Variants in EYS observed in about 807,000 individuals in gnomAD.
The protein encoded by EYS is EGF-like photoreceptor maintenance factor.
EYS carries 250 observed loss-of-function variants against 282.1 expected under a neutral mutation model. The ratio of observed to expected loss-of-function variants is 0.89; its 90% CI spans 0.80 to 0.98. The LOEUF is 0.98. Ranked by LOEUF, EYS falls within the 50% of genes least tolerant of loss-of-function variation. The pLI, the probability that EYS is intolerant of heterozygous loss-of-function variation, is 0.00. For missense variants in EYS, 4,016 were observed against 3,709.0 expected (o/e 1.08, Z -2.15); for synonymous variants, 1,355 against 1,282.9 (o/e 1.06, Z -1.20).
chr6:64,523,475 A>G (rs185462382), intron 26 of EYS, among the ~76,000 whole-genome samples: 1 of 151,810 alleles, frequency 6.6e-6, no homozygotes, highest in Non-Finnish European at 1.5e-5. Flanking sequence ...CAAATCAGGA[A>G]ATTTCTACAT....
chr6:65,674,513 AT>A (rs1184139787), intron 1 of EYS, among the ~76,000 whole-genome samples: 3 of 151,336 alleles, frequency 2.0e-5, no homozygotes, highest in African/African-American at 7.3e-5. Context: ...TATACAAGAA[AT>A]CCTCCATAAA....
intron 12 of EYS, among the ~76,000 whole-genome samples, chr6:65,171,042 T>C (rs1765092833): frequency 6.6e-6 from 1 of 151,556 alleles, no homozygotes; most frequent in Non-Finnish European, 1.5e-5. Flanking sequence ...AATAATTTAC[T>C]CATAATTCTA....
chr6:64,525,286 A>G (rs767172677), intron 26 of EYS, among the ~76,000 whole-genome samples: 6 of 151,846 alleles, frequency 4.0e-5, no homozygotes, highest in African/African-American at 1.2e-4. Flanking sequence ...ATGCCCATCA[A>G]TGACAGACCG....
chr6:65,197,190 G>A (rs1205776063), intron 12 of EYS, among the ~76,000 whole-genome samples: 1 of 152,076 alleles, frequency 6.6e-6, no homozygotes. Context: ...ACTCTCTGAT[G>A]TGGGGGCATA....
At chr6:65,255,798 A>T (rs1035780306) in intron 12 of EYS, among the ~76,000 whole-genome samples, 1 of 152,054 alleles carries the variant, frequency 6.6e-6, no homozygotes, top group Non-Finnish European at 1.5e-5. Flanking sequence ...CCACAATGAG[A>T]TATTATCTCA....
intron 2 of EYS, among the ~76,000 whole-genome samples, chr6:65,529,009 C>T (rs557337131): frequency 6.6e-6 from 1 of 152,008 alleles, no homozygotes. Flanking sequence ...AGAGGAGATG[C>T]AGAAGCAAGT....
At chr6:65,249,946 G>C (rs1375825554) in intron 12 of EYS, among the ~76,000 whole-genome samples, 1 of 152,028 alleles carries the variant, frequency 6.6e-6, no homozygotes, top group Admixed American at 6.6e-5. Flanking sequence ...TTGGTGAAGA[G>C]ACCCGCTATA....
intron 22 of EYS, among the ~76,000 whole-genome samples, chr6:64,738,893 G>A (rs939947837): frequency 6.6e-6 from 1 of 152,120 alleles, no homozygotes; most frequent in Non-Finnish European, 1.5e-5. Flanking sequence ...AAGTAGCTGG[G>A]ATTACAGATG....
intron 35 of EYS, among the ~76,000 whole-genome samples, chr6:63,892,255 A>G (rs60865603): frequency 0.12 from 17,882 of 152,250 alleles, 1,282 homozygotes; most frequent in African/African-American, 0.19. Context: ...GAACCAAAAA[A>G]GAGCCCATAT....
chr6:65,671,894 C>A (rs1445486649), intron 1 of EYS, among the ~76,000 whole-genome samples: 2 of 152,144 alleles, frequency 1.3e-5, no homozygotes, highest in African/African-American at 4.8e-5. Context: ...CTGATTTCTT[C>A]CCTATTTGAA....
chr6:64,514,678 C>T (rs966308047), intron 26 of EYS, among the ~76,000 whole-genome samples: 1 of 151,758 alleles, frequency 6.6e-6, no homozygotes, highest in Non-Finnish European at 1.5e-5. Context: ...TTCTTCAGGA[C>T]TCCTCCTGTG....
intron 11 of EYS, chr6:65,331,413 T>A: frequency 1.3e-6 from 1 of 789,666 alleles, no homozygotes; most frequent in Non-Finnish European, 1.5e-6. Context: ...TCTTTTGACA[T>A]TATAACAGGT....
intron 12 of EYS, among the ~76,000 whole-genome samples, chr6:65,071,306 G>T (rs572156452): frequency 6.6e-6 from 1 of 151,872 alleles, no homozygotes; most frequent in East Asian, 1.9e-4. Flanking sequence ...ACCCATTAGG[G>T]TTTTTAACTT....
intron 29 of EYS, among the ~76,000 whole-genome samples, chr6:64,330,094 A>G (rs1223021102): frequency 6.6e-6 from 1 of 152,156 alleles, no homozygotes; most frequent in Admixed American, 6.5e-5. Flanking sequence ...TGCAGTATAT[A>G]GATGATTTAT....
chr6:65,031,206 AC>A (rs1772594201), intron 13 of EYS, among the ~76,000 whole-genome samples: 1 of 150,424 alleles, frequency 6.6e-6, no homozygotes, highest in Admixed American at 6.7e-5. Flanking sequence ...CACACACCCA[AC>A]ACTGGAGCAC....
chr6:64,666,341 G>A (rs1769227947), intron 22 of EYS, among the ~76,000 whole-genome samples: 1 of 152,094 alleles, frequency 6.6e-6, no homozygotes, highest in Non-Finnish European at 1.5e-5. Flanking sequence ...CACCTCTAAT[G>A]TTTAAATTGC....
At chr6:64,484,903 C>A (rs967692137) in intron 26 of EYS, among the ~76,000 whole-genome samples, 2 of 151,474 alleles carry the variant, frequency 1.3e-5, no homozygotes, top group African/African-American at 4.8e-5. Context: ...GAGAGCCAGG[C>A]AAGACAAGCC....
At chr6:65,337,292 T>G (rs945541596) in intron 10 of EYS, among the ~76,000 whole-genome samples, 2 of 151,444 alleles carry the variant, frequency 1.3e-5, no homozygotes, top group African/African-American at 4.8e-5. Context: ...ATATTACAAC[T>G]GAAGCTATAA....
chr6:65,380,278 G>C (rs867639174), intron 8 of EYS, among the ~76,000 whole-genome samples: 6 of 152,140 alleles, frequency 3.9e-5, no homozygotes, highest in Middle Eastern at 6.8e-3. Context: ...TAGATATATA[G>C]ACCAATGGAA....
Sources: gnomAD v4.1 joint callset for allele counts (sites outside exome capture counted in the v4.1 genomes callset) on GRCh38, gnomAD v4.1.1 for gene constraint, MANE v1.5 for transcripts, NCBI Gene and HGNC (gene_info 2026-07-23, HGNC 2026-07-21) for gene names.